Variants in SDK1 observed in about 807,000 individuals in gnomAD.
The protein encoded by SDK1 is protein sidekick-1.
SDK1 carries 157 observed loss-of-function variants against 245.5 expected under a neutral mutation model. The ratio of observed to expected loss-of-function variants is 0.64; its 90% CI spans 0.56 to 0.73. The LOEUF is 0.73. Among genes scored for constraint, SDK1 ranks in the 30% least tolerant of loss-of-function variants. The pLI is 0.00. For missense variants in SDK1, 3,583 were observed against 3,002.3 expected, an observed-to-expected ratio of 1.19 and a Z score of -4.52; for synonymous variants, 1,647 against 1,278.5, an observed-to-expected ratio of 1.29 and a Z score of -6.15.
intron 4 of SDK1, among the ~76,000 whole-genome samples, chr7:3,811,996 T>C (rs968642941): frequency 7.2e-5 from 11 of 152,132 alleles, no homozygotes; most frequent in African/African-American, 2.4e-4. Flanking sequence ...CTCTGTAAAA[T>C]GAACAGACTG....
intron 1 of SDK1, among the ~76,000 whole-genome samples, chr7:3,313,943 A>G (rs1475649191): frequency 1.3e-5 from 2 of 152,354 alleles, no homozygotes; most frequent in East Asian, 1.9e-4. Context: ...TTAAAAATGT[A>G]TGTGAGCAGG....
chr7:4,266,010 G>T lies in SDK1; in HGVS notation c.*626G>T. On this transcript the variant is annotated 3_prime_UTR_variant, in exon 45 of 45. Transcript: ENST00000404826. ...GGCCAGGCAGGGATGCTAAGGTGTG[G>T]CTCAGCCGTCACTGTCTGTGTCACT... 1 of 985,546 alleles carries T rather than the reference G, an allele frequency of 1.0e-6. No individual in the cohort carries two copies. The highest frequency in any genetic ancestry group is 1.2e-6 in the Non-Finnish European group (1 of 829,982). The allele number at this position is 985,546 out of a possible 1,614,324, so 61.1% of individuals were successfully genotyped here. A position where few individuals can be genotyped will look rare whatever the true frequency, so the allele number is the denominator to read the frequency against.
intron 1 of SDK1, among the ~76,000 whole-genome samples, chr7:3,310,773 A>G (rs996118744): frequency 2.0e-5 from 3 of 152,226 alleles, no homozygotes; most frequent in Non-Finnish European, 4.4e-5. Flanking sequence ...ATACTGTTTA[A>G]GAGGATAGGC....
chr7:3,698,620 C>T (rs184733790), intron 4 of SDK1, among the ~76,000 whole-genome samples: 53 of 152,236 alleles, frequency 3.5e-4, no homozygotes, highest in South Asian at 1.9e-3. Flanking sequence ...AGACAGCGGA[C>T]GTCTATTTCC....
chr7:3,625,601 A>G (rs375060160), intron 2 of SDK1, among the ~76,000 whole-genome samples: 1 of 152,200 alleles, frequency 6.6e-6, no homozygotes, highest in African/African-American at 2.4e-5. Flanking sequence ...CTTGTTTGCA[A>G]CGTCTATGGA....
intron 35 of SDK1, among the ~76,000 whole-genome samples, chr7:4,200,694 C>G (rs1193113177): frequency 6.6e-6 from 1 of 152,214 alleles, no homozygotes; most frequent in African/African-American, 2.4e-5. Flanking sequence ...ACCACAAGAG[C>G]AGGTGAGCAG....
At chr7:3,684,198 A>G (rs1022613392) in intron 4 of SDK1, among the ~76,000 whole-genome samples, 4 of 152,114 alleles carry the variant, frequency 2.6e-5, no homozygotes, top group Admixed American at 1.3e-4. Context: ...CTCTACCCCA[A>G]CTCAGCATCA....
chr7:3,426,860 C>G (rs1344603179), intron 1 of SDK1, among the ~76,000 whole-genome samples: 1 of 152,090 alleles, frequency 6.6e-6, no homozygotes, highest in African/African-American at 2.4e-5. Flanking sequence ...TGCTTAAATC[C>G]CTGTCATGGT....
chr7:3,532,185 C>T (rs1446125319), intron 1 of SDK1, among the ~76,000 whole-genome samples: 1 of 152,172 alleles, frequency 6.6e-6, no homozygotes, highest in Non-Finnish European at 1.5e-5. Flanking sequence ...TTTTCCACCT[C>T]CAGTACCTCT....
At chr7:3,816,461 C>T (rs1027165375) in intron 4 of SDK1, among the ~76,000 whole-genome samples, 2 of 150,122 alleles carry the variant, frequency 1.3e-5, no homozygotes, top group East Asian at 3.9e-4. Context: ...GAGAATACTA[C>T]AAACACCTCT....
intron 1 of SDK1, among the ~76,000 whole-genome samples, chr7:3,508,511 A>T (rs767003447): frequency 6.6e-6 from 1 of 151,928 alleles, no homozygotes; most frequent in Non-Finnish European, 1.5e-5. Context: ...TATTTTTAGT[A>T]GAGATGGGGT....
At chr7:3,654,566 G>A (rs1053854957) in intron 4 of SDK1, among the ~76,000 whole-genome samples, 4 of 152,180 alleles carry the variant, frequency 2.6e-5, no homozygotes, top group African/African-American at 7.2e-5. Flanking sequence ...ATCACATGAC[G>A]CAGTTGGACT....
intron 38 of SDK1, among the ~76,000 whole-genome samples, chr7:4,212,874 A>C (rs1413636951): frequency 6.6e-6 from 1 of 152,186 alleles, no homozygotes; most frequent in Non-Finnish European, 1.5e-5. Context: ...TTCCTCAAGT[A>C]AGTGACTGGT....
chr7:3,612,825 T>C (rs2128642670), intron 1 of SDK1, among the ~76,000 whole-genome samples: 1 of 152,294 alleles, frequency 6.6e-6, no homozygotes, highest in South Asian at 2.1e-4. Flanking sequence ...TCGCACCTGA[T>C]TGACGGTGCT....
chr7:3,483,758 T>C (rs1285018452), intron 1 of SDK1, among the ~76,000 whole-genome samples: 1 of 152,194 alleles, frequency 6.6e-6, no homozygotes, highest in African/African-American at 2.4e-5. Flanking sequence ...ATGATATTTA[T>C]TTCAGTCTCT....
At chr7:3,576,162 T>C (rs767217148) in intron 1 of SDK1, among the ~76,000 whole-genome samples, 9 of 152,120 alleles carry the variant, frequency 5.9e-5, no homozygotes, top group Non-Finnish European at 1.3e-4. Context: ...AGACCAGGTG[T>C]GCTTTGGATC....
chr7:3,551,023 TAGA>T, intron 1 of SDK1, among the ~76,000 whole-genome samples: 1 of 152,236 alleles, frequency 6.6e-6, no homozygotes, highest in East Asian at 1.9e-4. Context: ...ATATATTTTT[TAGA>T]AGGTTAGGAG....
At chr7:4,080,763 C>T (rs1364093061) in intron 22 of SDK1, among the ~76,000 whole-genome samples, 3 of 151,956 alleles carry the variant, frequency 2.0e-5, no homozygotes, top group Non-Finnish European at 4.4e-5. Flanking sequence ...TGCTAAAAGA[C>T]GAGTTAATGG....
At chr7:3,636,510 C>T (rs1215977120) in intron 2 of SDK1, among the ~76,000 whole-genome samples, 2 of 152,198 alleles carry the variant, frequency 1.3e-5, no homozygotes, top group East Asian at 1.9e-4. Context: ...ACCTGCATGA[C>T]GTCATGCTAT....
Sources: allele counts gnomAD v4.1 joint callset (sites outside exome capture counted in the v4.1 genomes callset), GRCh38; gene constraint gnomAD v4.1.1; transcripts MANE v1.5; gene names NCBI Gene and HGNC (gene_info 2026-07-23, HGNC 2026-07-21).